RAPGEF1: variants seen among roughly 807,000 people sequenced by gnomAD.
RAPGEF1 encodes Rap guanine nucleotide exchange factor 1, also known as CRK SH3-binding GNRP.
Under a neutral mutation model 143.3 loss-of-function variants are expected in RAPGEF1, and 33 were observed. That is an observed-to-expected ratio of 0.23 (90% CI 0.17 to 0.31). The LOEUF (loss-of-function observed/expected upper bound fraction) is 0.31. RAPGEF1 is among the 10% of genes least tolerant of loss of function. RAPGEF1 has a pLI of 1.00. For synonymous variants in RAPGEF1, 629 were observed against 676.5 expected, an observed-to-expected ratio of 0.93 and a Z score of 1.09; for missense variants, 1,199 against 1,645.4, an observed-to-expected ratio of 0.73 and a Z score of 4.69.
chr9:131,596,243 G>T, intron 17 of RAPGEF1, 55 bp downstream of exon 17: 1 of 1,555,222 alleles, frequency 6.4e-7, no homozygotes, highest in South Asian at 1.1e-5. Context: ...GTGGGAGGCC[G>T]AGTGGCACCC....
chr9:131,625,058 T>C (rs945662336), intron 10 of RAPGEF1, among the ~76,000 whole-genome samples: 1 of 152,248 alleles, frequency 6.6e-6, no homozygotes, highest in African/African-American at 2.4e-5. Flanking sequence ...ATTTGGGAAT[T>C]TGGAGTAGAG....
chr9:131,688,879 T>A (rs571371430), intron 1 of RAPGEF1, among the ~76,000 whole-genome samples: 4 of 152,168 alleles, frequency 2.6e-5, no homozygotes, highest in Non-Finnish European at 5.9e-5. Context: ...GCCTGGGCCA[T>A]AGAACGAAAC....
chr9:131,636,507 G>A (rs1033566220), intron 5 of RAPGEF1, among the ~76,000 whole-genome samples: 1 of 152,244 alleles, frequency 6.6e-6, no homozygotes, highest in Non-Finnish European at 1.5e-5. Flanking sequence ...AAGTGGTGCT[G>A]TAATGACTCC....
rs1963889219 is a variant in RAPGEF1 at position 131,628,375 on chromosome 9, TG to T, written c.1017+173del. Among the ~76,000 whole-genome samples the T allele has an allele frequency of 6.6e-6, 1 of 152,152 alleles. No individual in the cohort carries two copies. Among genetic ancestry groups the T allele is most frequent in the Non-Finnish European group, 1.5e-5 (1 of 68,006 alleles). On this transcript the variant is annotated intron_variant, in intron 8 of 26. Transcript: ENST00000683357. This position sits in a 1 kb window ranked among gnomAD's most constrained non-coding sequence, Gnocchi z 5.7. Reference sequence around the variant, plus strand: ...CCCTGCCCTGACCCTTATCCCCATATGGGAACTTGGACCGTGTCCTGGAGAG... The same window carrying T: ...CCCTGCCCTGACCCTTATCCCCATATGGAACTTGGACCGTGTCCTGGAGAG...
chr9:131,705,764 T>C (rs1273996349), intron 1 of RAPGEF1, among the ~76,000 whole-genome samples: 1 of 152,184 alleles, frequency 6.6e-6, no homozygotes, highest in East Asian at 1.9e-4. Context: ...TGTCCCACAC[T>C]GTCTCAAATC....
At chr9:131,613,190 G>A (rs1444912927) in intron 12 of RAPGEF1, among the ~76,000 whole-genome samples, 1 of 152,234 alleles carries the variant, frequency 6.6e-6, no homozygotes, top group African/African-American at 2.4e-5. Flanking sequence ...GGAAAGCGGG[G>A]CCCAGGGCAC....
intron 12 of RAPGEF1, among the ~76,000 whole-genome samples, chr9:131,605,531 G>A (rs572685907): frequency 2.5e-4 from 38 of 152,282 alleles, no homozygotes; most frequent in South Asian, 1.7e-3. Context: ...CAGGAACTTC[G>A]TGGCCAAATT....
intron 1 of RAPGEF1, among the ~76,000 whole-genome samples, chr9:131,732,409 A>ACAAGTGGAAGCTCAAAGAACATGCACT (rs1284649578): frequency 2.6e-5 from 4 of 152,184 alleles, no homozygotes; most frequent in Non-Finnish European, 5.9e-5. Context: ...GGCAGTCACT[A>ACAAGTGGAAGCTCAAAGAACATGCACT]CAAGTGGAAG....
At chr9:131,608,652 T>C (rs552818385) in intron 12 of RAPGEF1, among the ~76,000 whole-genome samples, 2 of 152,294 alleles carry the variant, frequency 1.3e-5, no homozygotes, top group East Asian at 1.9e-4. Flanking sequence ...ATTCAAGCTA[T>C]GCAGTCGTGC....
At position 131,621,546 on chromosome 9, in the gene RAPGEF1, G is replaced by A. The variant is rs150250255; in HGVS notation, c.1905+250C>T. Among the ~76,000 whole-genome samples the A allele has an allele frequency of 5.5e-4, 84 of 152,318 alleles. No homozygotes were observed. The highest frequency in any genetic ancestry group is 1.7e-3 in the African/African-American group (69 of 41,578). Reference sequence around the variant, plus strand: ...GAGTACAAGCCTGTCCCTGCTGCGCGGGGCTGCTGTGGAAAAGAAAGGTCC... The same window carrying A: ...GAGTACAAGCCTGTCCCTGCTGCGCAGGGCTGCTGTGGAAAAGAAAGGTCC... On this transcript the variant is annotated intron_variant, in intron 11 of 26. Coordinates refer to ENST00000683357, the MANE Select transcript of RAPGEF1 (RefSeq NM_001377935.1). The surrounding 1 kb of genome is among the most constrained non-coding windows in gnomAD (Gnocchi z 4.5).
chr9:131,739,204 T>TC (rs1439922034), intron 1 of RAPGEF1, among the ~76,000 whole-genome samples: 2 of 152,106 alleles, frequency 1.3e-5, no homozygotes, highest in Admixed American at 1.3e-4. Flanking sequence ...AACCCACCGG[T>TC]CCCCCACCTG....
At chr9:131,700,065 G>A (rs557994897) in intron 1 of RAPGEF1, among the ~76,000 whole-genome samples, 5 of 152,064 alleles carry the variant, frequency 3.3e-5, no homozygotes, top group African/African-American at 1.2e-4. Context: ...CTCCTGCTTC[G>A]AAAGTCAACC....
Position 131,715,582 on chromosome 9 carries a change from G to A in RAPGEF1, c.61+24188C>T, listed in dbSNP as rs192056589. 1.6e-3 allele frequency among the ~76,000 whole-genome samples: 242 copies of A among 152,152 alleles called. 1 individual carries two copies. The highest frequency in any genetic ancestry group is 5.1e-3 in the African/African-American group (212 of 41,518). On this transcript the variant is annotated intron_variant, in intron 1 of 26. Coordinates refer to ENST00000683357, the MANE Select transcript of RAPGEF1 (RefSeq NM_001377935.1). Reference sequence around the variant, plus strand: ...GAGTTTCAAGAGGTTAAGAATGGCCGGGCACGGTGGCTCACGTCTGTACTT... The same window carrying A: ...GAGTTTCAAGAGGTTAAGAATGGCCAGGCACGGTGGCTCACGTCTGTACTT...
At chr9:131,587,011 A>AACACAC (rs35594696) in intron 22 of RAPGEF1, among the ~76,000 whole-genome samples, 4 of 23,892 alleles carry the variant, frequency 1.7e-4, no homozygotes, top group Non-Finnish European at 2.6e-4. Context: ...CTCCGTCTCA[A>AACACAC]ACACACACAC....
chr9:131,632,735 T>C (rs1965273369), intron 5 of RAPGEF1, among the ~76,000 whole-genome samples: 1 of 152,232 alleles, frequency 6.6e-6, no homozygotes, highest in Non-Finnish European at 1.5e-5. Context: ...TTCTAGGTGA[T>C]ATGCTGGTTT....
chr9:131,681,151 CAGCTAA>C (rs902653147), intron 1 of RAPGEF1, among the ~76,000 whole-genome samples: 1 of 152,122 alleles, frequency 6.6e-6, no homozygotes, highest in Non-Finnish European at 1.5e-5. Context: ...GTTTATTTAC[CAGCTAA>C]AGCTAAAGCA....
Position 131,579,663 on chromosome 9 carries a change from G to C in RAPGEF1, c.3642-16C>G, listed in dbSNP as rs1588133372. The C allele has an allele frequency of 2.5e-6, 4 of 1,612,588 alleles. No individual in the cohort carries two copies. Among genetic ancestry groups the C allele is most frequent in the Non-Finnish European group, 1.7e-6 (2 of 1,179,126 alleles). ...GTCATAGTGCCTGGTGCAGGGGATG[G>C]GGAGCAGTCAGTGAGCACCTGTGTG... On this transcript the variant is annotated splice_polypyrimidine_tract_variant and intron_variant, in intron 26 of 26. Coordinates refer to ENST00000683357, the MANE Select transcript of RAPGEF1 (RefSeq NM_001377935.1).
intron 22 of RAPGEF1, among the ~76,000 whole-genome samples, 160 bp downstream of exon 22, chr9:131,587,576 C>A (rs1469793126): frequency 1.3e-5 from 2 of 152,216 alleles, no homozygotes; most frequent in Non-Finnish European, 2.9e-5. Flanking sequence ...CTGCCCCTGT[C>A]CTCAGCCTGT....
chr9:131,584,230 T>C lies in RAPGEF1; in HGVS notation c.3414+81A>G. On this transcript the variant is annotated intron_variant, in intron 24 of 26. Coordinates refer to ENST00000683357, the MANE Select transcript of RAPGEF1 (RefSeq NM_001377935.1). This position sits in a 1 kb window ranked among gnomAD's most constrained non-coding sequence, Gnocchi z 6.8. The stretch of plus-strand genomic sequence containing the variant: ...CCAGCATTTGCTCCAGTGGGAGCAC[T>C]TTCTGCCACAGCTAGTCGCCTGAGG... The C allele has an allele frequency of 7.4e-7, 1 of 1,343,158 alleles. No homozygotes were observed. The highest frequency in any genetic ancestry group is 1.0e-6 in the Non-Finnish European group (1 of 961,896). 83.2% of individuals were successfully genotyped at this position (1,343,158 alleles called of 1,614,324 possible). A position where few individuals can be genotyped will look rare whatever the true frequency, so the allele number is the denominator to read the frequency against.
Sources: gnomAD v4.1 joint callset for allele counts (sites outside exome capture counted in the v4.1 genomes callset) on GRCh38, gnomAD v4.1.1 for gene constraint, Gnocchi (gnomAD v3.1) non-coding constraint, MANE v1.5 for transcripts, NCBI Gene and HGNC (gene_info 2026-07-23, HGNC 2026-07-21) for gene names.